The following LRATD1 variants were observed in gnomAD, a reference collection of about 807,000 sequenced individuals.
LRATD1 encodes the protein protein LRATD1.
In LRATD1, 8 loss-of-function variants were observed where a neutral mutation model predicts 21.3. The ratio of observed to expected loss-of-function variants is 0.38; its 90% confidence interval spans 0.22 to 0.68. The LOEUF (loss-of-function observed/expected upper bound fraction) is 0.68, where lower values mean the gene tolerates loss of function less well. Ranked by LOEUF, LRATD1 falls within the 30% of genes least tolerant of loss-of-function variation. The pLI is 0.54. For missense variants in LRATD1, 380 were observed against 404.0 expected (o/e 0.94, Z 0.51); for synonymous variants, 210 against 186.2 (o/e 1.13, Z -1.04).
Position 14,633,776 on chromosome 2 carries a change from C to G in LRATD1, c.-36-168C>G, listed in dbSNP as rs1416933200. On this transcript the variant is annotated intron_variant, in intron 1 of 1. Coordinates refer to ENST00000295092, the MANE Select transcript of LRATD1 (RefSeq NM_145175.4). This position sits in a 1 kb window ranked among gnomAD's most constrained non-coding sequence, Gnocchi z 7.5. ...CGCCTGACCTGTGGCGGCTTCTCCG[C>G]CCCTCGTACCCCTGGGGAGGCACGG... 7.6e-6 allele frequency: 5 copies of G among 660,302 alleles called. No individual in the cohort carries two copies. The highest frequency in any genetic ancestry group is 1.3e-5 in the Non-Finnish European group (5 of 393,264). 40.9% of individuals were successfully genotyped at this position (660,302 alleles called of 1,614,324 possible).
chr2:14,635,354 A>G lies in LRATD1; in HGVS notation c.*496A>G. The G allele has an allele frequency of 2.1e-6, 1 of 475,480 alleles. No homozygotes were observed. The highest frequency in any genetic ancestry group is 4.3e-6 in the Non-Finnish European group (1 of 230,224). 29.5% of individuals were successfully genotyped at this position (475,480 alleles called of 1,614,324 possible). ...CTCTGTGGATGCGTCCCCAGATCGC[A>G]GGATTTCCAAGAAATCGAGCCTGTC... On this transcript the variant is annotated 3_prime_UTR_variant, in exon 2 of 2. Coordinates refer to ENST00000295092, the MANE Select transcript of LRATD1 (RefSeq NM_145175.4).
In LRATD1 at chr2:14,634,771, C is replaced by A; in HGVS notation, c.792C>A (p.Asp264Glu). 6.3e-7 allele frequency: 1 copy of A among 1,596,678 alleles called. No individual in the cohort carries two copies. The highest frequency in any genetic ancestry group is 8.5e-7 in the Non-Finnish European group (1 of 1,170,440). ...VHTARFHSLE[D>E]LIREKRRIDA... ...CCGCCAGGTTTCACAGCCTGGAAGA[C>A]CTCATCCGCGAGAAGCGCCGTATCG... The change falls in exon 2 of 2, where the codon GAC (aspartate) becomes GAA (glutamate). Residue 264 changes from aspartate to glutamate, a missense_variant. Coordinates refer to ENST00000295092, the MANE Select transcript of LRATD1 (RefSeq NM_145175.4).
chr2:14,642,301 T>C (rs184703802), downstream of LRATD1, among the ~76,000 whole-genome samples: 1 of 152,312 alleles, frequency 6.6e-6, no homozygotes. Flanking sequence ...GGTTTCTCTG[T>C]CCTGGGTATA....
In LRATD1 at chr2:14,637,520, A is replaced by G. The variant is rs1671714036; in HGVS notation, c.*2662A>G. 1 of 166,962 alleles carries G rather than the reference A, an allele frequency of 6.0e-6. No homozygotes were observed. The highest frequency in any genetic ancestry group is 2.1e-4 in the South Asian group (1 of 4,834). 10.3% of individuals were successfully genotyped at this position (166,962 alleles called of 1,614,324 possible). On this transcript the variant is annotated 3_prime_UTR_variant, in exon 2 of 2. Transcript: ENST00000295092. ...GGTTGATGATAATACCTCTAAAAAT[A>G]TGCAATAATAAAACAATAGTTATGA...
exon 5 of LRATD1, chr2:14,649,388 AC>A (rs1671962407): frequency 2.2e-6 from 1 of 456,252 alleles, no homozygotes; most frequent in East Asian, 6.9e-5. Flanking sequence ...TTGTATTGCA[AC>A]TGGACCCCCT....
downstream of LRATD1, among the ~76,000 whole-genome samples, chr2:14,651,432 A>G (rs1273446284): frequency 6.6e-6 from 1 of 152,168 alleles, no homozygotes; most frequent in African/African-American, 2.4e-5. Flanking sequence ...GTCATCAGAC[A>G]TACATACACC....
downstream of LRATD1, among the ~76,000 whole-genome samples, chr2:14,644,053 G>T (rs1348543226): frequency 6.6e-6 from 1 of 151,954 alleles, no homozygotes; most frequent in Middle Eastern, 3.2e-3. Flanking sequence ...ATGTCCTAGT[G>T]GGAGATAAAC....
At chr2:14,649,384 T>G in exon 5 of LRATD1, 1 of 456,478 alleles carries the variant, frequency 2.2e-6, no homozygotes, top group Non-Finnish European at 4.4e-6. Flanking sequence ...CTCCTTGTAT[T>G]GCAACTGGAC....
At position 14,634,796 on chromosome 2, in the gene LRATD1, G is replaced by A; in HGVS notation, c.817G>A (p.Asp273Asn). 6.2e-7 allele frequency: 1 copy of A among 1,605,956 alleles called. No homozygotes were observed. Among genetic ancestry groups the A allele is most frequent in the Non-Finnish European group, 8.5e-7 (1 of 1,175,318 alleles). Residue 273 changes from aspartate to asparagine, a missense_variant, in exon 2 of 2, where the codon GAC becomes AAC. Asp to Asn is a conservative substitution (Grantham distance 23). Coordinates refer to ENST00000295092, the MANE Select transcript of LRATD1 (RefSeq NM_145175.4). ...CCTCATCCGCGAGAAGCGCCGTATC[G>A]ACGCCAGCGGCCGCCTGCGAGTGCT... ...EDLIREKRRI[D>N]ASGRLRVLQE...
At chr2:14,642,564 C>T (rs1671824608), downstream of LRATD1, among the ~76,000 whole-genome samples, 1 of 143,344 alleles carries the variant, frequency 7.0e-6, no homozygotes, top group African/African-American at 2.6e-5. Context: ...TACTGAAAAC[C>T]TAAGTATTGT....
downstream of LRATD1, among the ~76,000 whole-genome samples, chr2:14,643,477 C>CAA (rs1671839721): frequency 6.6e-6 from 1 of 152,202 alleles, no homozygotes; most frequent in Non-Finnish European, 1.5e-5. Flanking sequence ...GAAGCTTCAT[C>CAA]CCCTGATCTT....
chr2:14,649,239 T>C (rs1178256069), intron 4 of LRATD1: 4 of 455,670 alleles, frequency 8.8e-6, no homozygotes, highest in Non-Finnish European at 1.8e-5. Context: ...GGAAGGCTAG[T>C]AAAGCAGTCA....
Position 14,634,616 on chromosome 2 carries a change from G to C in LRATD1, c.637G>C (p.Glu213Gln). 1 of 1,530,636 alleles carries C rather than the reference G, an allele frequency of 6.5e-7. No individual in the cohort carries two copies. Among genetic ancestry groups the C allele is most frequent in the Non-Finnish European group, 8.8e-7 (1 of 1,135,276 alleles). The allele number at this position is 1,530,636 out of a possible 1,614,324, so 94.8% of individuals were successfully genotyped here. A position where few individuals can be genotyped will look rare whatever the true frequency, so the allele number is the denominator to read the frequency against. Reference sequence around the variant, plus strand: ...CGAGGAGATCTGCTGGACGAACTCGGAGAGCTTCGCCGCCTGGTGCCGCTT... The same window carrying C: ...CGAGGAGATCTGCTGGACGAACTCGCAGAGCTTCGCCGCCTGGTGCCGCTT... ...KSEEICWTNS[E>Q]SFAAWCRFGK... Residue 213 changes from glutamate to glutamine, a missense_variant, in exon 2 of 2, where the codon GAG becomes CAG. Transcript: ENST00000295092.
At chr2:14,641,187 C>A (rs575198004), downstream of LRATD1, among the ~76,000 whole-genome samples, 1 of 152,198 alleles carries the variant, frequency 6.6e-6, no homozygotes, top group South Asian at 2.1e-4. Flanking sequence ...TAAGGACACA[C>A]CCCCTACCCA....
chr2:14,640,081 G>A (rs1671783417), downstream of LRATD1: 2 of 166,986 alleles, frequency 1.2e-5, no homozygotes, highest in Admixed American at 6.5e-5. Flanking sequence ...AGGGAAAAGC[G>A]AAGGGAAAAG....
At chr2:14,644,867 T>C (rs368055432), downstream of LRATD1, among the ~76,000 whole-genome samples, 55 of 152,266 alleles carry the variant, frequency 3.6e-4, no homozygotes, top group South Asian at 1.4e-3. Context: ...AGGACAACTA[T>C]CAGATGCAGT....
rs201168104 is a variant in LRATD1, at chr2:14,634,499, G to A, written c.520G>A (p.Val174Met). The A allele has an allele frequency of 1.2e-3, 1,853 of 1,506,078 alleles. 2 individuals are homozygous for A. Among genetic ancestry groups the A allele is most frequent in the South Asian group, 3.4e-3 (251 of 74,210 alleles). 93.3% of individuals were successfully genotyped at this position (1,506,078 alleles called of 1,614,324 possible). A position where few individuals can be genotyped will look rare whatever the true frequency, so the allele number is the denominator to read the frequency against. The change falls in exon 2 of 2, where the codon GTG (valine) becomes ATG (methionine). Residue 174 changes from valine (V) to methionine (M), a missense_variant. By Grantham distance (21) the Val-to-Met change is conservative (BLOSUM62 1). Coordinates refer to ENST00000295092, the MANE Select transcript of LRATD1 (RefSeq NM_145175.4). ...DSLYEAGAAN[V>M]GRVVNSWYRY... is the part of the protein sequence containing the mutation. ...CCTGTATGAGGCGGGCGCGGCCAAC[G>A]TGGGCCGGGTGGTGAATAGCTGGTA... is the stretch of plus-strand genomic sequence containing the variant.
At chr2:14,644,797 C>T (rs1015563489), downstream of LRATD1, among the ~76,000 whole-genome samples, 13 of 152,008 alleles carry the variant, frequency 8.6e-5, no homozygotes, top group African/African-American at 3.1e-4. Context: ...GTTCATAGGC[C>T]AGTGCTGAGG....
At chr2:14,643,335 G>A (rs1028861897), downstream of LRATD1, among the ~76,000 whole-genome samples, 24 of 152,138 alleles carry the variant, frequency 1.6e-4, no homozygotes, top group Middle Eastern at 3.2e-3. Flanking sequence ...TTAATTCTGC[G>A]TATGTTACTT....
Sources: allele counts gnomAD v4.1 joint callset (sites outside exome capture counted in the v4.1 genomes callset), GRCh38; gene constraint gnomAD v4.1.1; non-coding constraint Gnocchi (gnomAD v3.1); transcripts MANE v1.5; gene names NCBI Gene and HGNC (gene_info 2026-07-23, HGNC 2026-07-21).